Variants in FNDC1 observed in about 807,000 individuals in gnomAD.
FNDC1 encodes fibronectin type III domain containing 1.
In FNDC1, 96 loss-of-function variants were observed where a neutral mutation model predicts 168.0. The ratio of observed to expected loss-of-function variants is 0.57; its 90% CI spans 0.48 to 0.68. The LOEUF (loss-of-function observed/expected upper bound fraction) is 0.68, where lower values mean the gene tolerates loss of function less well. Ranked by LOEUF, FNDC1 falls within the 30% of genes least tolerant of loss-of-function variation. The pLI is 0.00. For synonymous variants in FNDC1, 1,099 were observed against 1,025.9 expected, an observed-to-expected ratio of 1.07 and a Z score of -1.36; for missense variants, 2,587 against 2,482.1, an observed-to-expected ratio of 1.04 and a Z score of -0.90.
intron 1 of FNDC1, among the ~76,000 whole-genome samples, chr6:159,182,640 C>T (rs1165375454): frequency 1.3e-5 from 2 of 152,226 alleles, no homozygotes; most frequent in East Asian, 1.9e-4. Flanking sequence ...TAGATTGAAG[C>T]CCATTGCCTT....
chr6:159,173,812 T>C (rs1197585439), intron 1 of FNDC1, among the ~76,000 whole-genome samples: 1 of 152,196 alleles, frequency 6.6e-6, no homozygotes, highest in Non-Finnish European at 1.5e-5. Flanking sequence ...ATTGAAACTT[T>C]AAGGGAGAAT....
At chr6:159,236,191 A>T (rs748860965) in intron 11 of FNDC1, 24 bp from the exon 12 acceptor site, 1 of 1,563,826 alleles carries the variant, frequency 6.4e-7, no homozygotes, top group Non-Finnish European at 8.8e-7. Flanking sequence ...AGGCTCTGTT[A>T]TTTTTATTTT....
intron 9 of FNDC1, among the ~76,000 whole-genome samples, chr6:159,227,839 G>A (rs1273344572): frequency 6.6e-6 from 1 of 152,110 alleles, no homozygotes; most frequent in Non-Finnish European, 1.5e-5. Context: ...CCATGCATTA[G>A]TCTCATAATA....
chr6:159,208,208 G>T (rs763997117), intron 4 of FNDC1, among the ~76,000 whole-genome samples: 2 of 152,166 alleles, frequency 1.3e-5, no homozygotes, highest in African/African-American at 2.4e-5. Context: ...AGTGAGCTGG[G>T]CTCAGGGTAG....
intron 1 of FNDC1, among the ~76,000 whole-genome samples, chr6:159,180,773 G>T (rs1230719901): frequency 6.6e-6 from 1 of 152,058 alleles, no homozygotes; most frequent in Non-Finnish European, 1.5e-5. Flanking sequence ...GAGGATAATG[G>T]CTTCCAGCAT....
At chr6:159,185,076 G>A (rs141156696) in intron 1 of FNDC1, among the ~76,000 whole-genome samples, 5 of 93,278 alleles carry the variant, frequency 5.4e-5, no homozygotes, top group Non-Finnish European at 9.9e-5. Flanking sequence ...GTGGGGGGGG[G>A]GGAATCTTGT....
chr6:159,231,613 A>G (rs1251949501), intron 10 of FNDC1, among the ~76,000 whole-genome samples: 1 of 152,252 alleles, frequency 6.6e-6, no homozygotes, highest in Non-Finnish European at 1.5e-5. Context: ...ATTTCTTCAA[A>G]TAATAAGATG....
Position 159,215,130 on chromosome 6 carries a change from A to G in FNDC1, c.646A>G (p.Thr216Ala), listed in dbSNP as rs890453519. 3 of 1,613,834 alleles carry G rather than the reference A, an allele frequency of 1.9e-6. No homozygotes were observed. The highest frequency in any genetic ancestry group is 2.5e-6 in the Non-Finnish European group (3 of 1,179,698). Reference sequence around the variant, plus strand: ...TGTTCCACTGACAAGAGATGAACGGACACACGAAATTAAAAAGCTAGGTGA... The same window carrying G: ...TGTTCCACTGACAAGAGATGAACGGGCACACGAAATTAAAAAGCTAGGTGA... ...NYVPLTRDER[T>A]HEIKKLASES... Residue 216 changes from threonine to alanine, a missense_variant, in exon 5 of 23, where the codon ACA (threonine) becomes GCA (alanine). Transcript: ENST00000297267.
intron 1 of FNDC1, among the ~76,000 whole-genome samples, chr6:159,175,754 G>A (rs1445653091): frequency 3.3e-5 from 5 of 152,196 alleles, no homozygotes; most frequent in Non-Finnish European, 5.9e-5. Context: ...GGTGCTCGGT[G>A]TCTAACCTGT....
Position 159,190,603 on chromosome 6 carries a change from G to A in FNDC1, c.110-6828G>A, listed in dbSNP as rs535980929. On this transcript the variant is annotated intron_variant, in intron 1 of 22. Transcript: ENST00000297267. ...CAGAGCTGGAGCAGGGAGACGAGGA[G>A]GTAGGAAGCACAATGGTGGCCACAC... 2.0e-5 allele frequency among the ~76,000 whole-genome samples: 3 copies of A among 152,322 alleles called. No homozygotes were observed. The South Asian group carries it at 6.2e-4, about 32-fold the overall frequency.
At chr6:159,235,281 T>C (rs548222042) in intron 11 of FNDC1, among the ~76,000 whole-genome samples, 16 of 151,410 alleles carry the variant, frequency 1.1e-4, no homozygotes, top group African/African-American at 3.4e-4. Flanking sequence ...TCCTTGTATG[T>C]AATTGGGGCT....
intron 3 of FNDC1, 57 bp downstream of exon 3, chr6:159,200,139 T>A (rs930696873): frequency 1.6e-6 from 2 of 1,246,160 alleles, no homozygotes; most frequent in Non-Finnish European, 2.3e-6. Flanking sequence ...GGGAGAGACA[T>A]CCCTCCTTGC....
chr6:159,198,022 G>A (rs925131446), intron 2 of FNDC1, among the ~76,000 whole-genome samples: 7 of 152,174 alleles, frequency 4.6e-5, no homozygotes, highest in Non-Finnish European at 1.0e-4. Flanking sequence ...CAAGTCGTAT[G>A]CCCCTGGAGA....
Position 159,197,243 on chromosome 6 carries a change from T to C in FNDC1, c.110-188T>C, listed in dbSNP as rs78797287. Among the ~76,000 whole-genome samples the C allele has an allele frequency of 8.8e-3, 1,345 of 152,368 alleles. 21 individuals carry two copies. Among genetic ancestry groups the C allele is most frequent in the African/African-American group, 0.031 (1,285 of 41,588 alleles). On this transcript the variant is annotated intron_variant, in intron 1 of 22. Transcript: ENST00000297267. ...GTTATCCAAAATACACGAAGGCCTGTGGGTTTGGTATATTTGTTTTGTTGT... is the reference window on the plus strand; with the variant it reads ...GTTATCCAAAATACACGAAGGCCTGCGGGTTTGGTATATTTGTTTTGTTGT...
chr6:159,222,103 T>G (rs777241029), intron 6 of FNDC1, among the ~76,000 whole-genome samples: 1 of 152,198 alleles, frequency 6.6e-6, no homozygotes, highest in African/African-American at 2.4e-5. Context: ...ATATTTGCAT[T>G]AAAATGGCAT....
chr6:159,268,048 T>C (rs1166749101), intron 22 of FNDC1, 122 bp downstream of exon 22: 3 of 996,420 alleles, frequency 3.0e-6, no homozygotes, highest in Non-Finnish European at 1.5e-6. Context: ...TTGGGAGCAC[T>C]TAAGGTCATA....
Position 159,232,931 on chromosome 6 carries a change from A to G in FNDC1, c.2419A>G (p.Thr807Ala). Residue 807 changes from threonine to alanine, a missense_variant, in exon 11 of 23, where the codon ACG (threonine) becomes GCG (alanine). By Grantham distance (58) the Thr-to-Ala change is moderately conservative (BLOSUM62 0). Transcript: ENST00000297267. This position sits in a 1 kb window ranked among gnomAD's most constrained non-coding sequence, Gnocchi z 4.9. The part of the protein sequence containing the change: ...GGRQAEATAQ[T>A]LRARPASGHF... Reference sequence around the variant, plus strand: ...AAGGCAGGCGGAGGCCACGGCCCAGACGCTGCGGGCCCGGCCTGCCTCTGG... The same window carrying G: ...AAGGCAGGCGGAGGCCACGGCCCAGGCGCTGCGGGCCCGGCCTGCCTCTGG... 6.2e-7 allele frequency: 1 copy of G among 1,610,670 alleles called. No homozygotes were observed. The highest frequency in any genetic ancestry group is 1.1e-5 in the South Asian group (1 of 90,834).
chr6:159,252,985 C>A (rs1343262980), intron 17 of FNDC1, among the ~76,000 whole-genome samples: 1 of 152,124 alleles, frequency 6.6e-6, no homozygotes, highest in Non-Finnish European at 1.5e-5. Flanking sequence ...ACAAATGTCT[C>A]TGAGACTTAA....
At chr6:159,241,512 G>A (rs993662498) in intron 14 of FNDC1, among the ~76,000 whole-genome samples, 4 of 152,156 alleles carry the variant, frequency 2.6e-5, no homozygotes, top group African/African-American at 9.6e-5. Flanking sequence ...TTCCCTAGTC[G>A]AAGCTAAAGA....
Sources: allele counts gnomAD v4.1 joint callset (sites outside exome capture counted in the v4.1 genomes callset), GRCh38; gene constraint gnomAD v4.1.1; non-coding constraint Gnocchi (gnomAD v3.1); transcripts MANE v1.5; gene names NCBI Gene and HGNC (gene_info 2026-07-23, HGNC 2026-07-21).